Variants in ATP1A4 observed in about 807,000 individuals in gnomAD.
ATP1A4 encodes sodium/potassium-transporting ATPase subunit alpha-4.
In ATP1A4, 90 loss-of-function variants were observed where a neutral mutation model predicts 114.3. The ratio of observed to expected loss-of-function variants is 0.79; its 90% CI spans 0.66 to 0.94. The LOEUF is 0.94. Among genes scored for constraint, ATP1A4 ranks in the 40% least tolerant of loss-of-function variants. ATP1A4 has a pLI of 0.00. For missense variants in ATP1A4, 1,222 were observed against 1,313.6 expected, an observed-to-expected ratio of 0.93 and a Z score of 1.08; for synonymous variants, 511 against 494.1, an observed-to-expected ratio of 1.03 and a Z score of -0.45.
rs1280439657 is a variant in ATP1A4, at chr1:160,153,222, A to C, written c.205A>C (p.Lys69Gln). 1 of 1,613,510 alleles carries C rather than the reference A, an allele frequency of 6.2e-7. No individual in the cohort carries two copies. Among genetic ancestry groups the C allele is most frequent in the Admixed American group, 1.7e-5 (1 of 59,990 alleles). The change falls in exon 2 of 22, where the codon AAG (lysine) becomes CAG (glutamine). Residue 69 changes from lysine to glutamine, a missense_variant and splice_region_variant. Lys to Gln is a moderately conservative substitution (Grantham distance 53). Transcript: ENST00000368081. Reference protein sequence around the residue: ...LSTKYSVDLTKGHSHQRAKEI... With the variant: ...LSTKYSVDLTQGHSHQRAKEI... ...CACCAAGTACTCCGTGGACCTGACA[A>C]AGGTGAGTAAGAAGCTCCCTGAGGA...
chr1:160,185,792 G>A (rs896349282), intron 20 of ATP1A4, among the ~76,000 whole-genome samples: 57 of 151,636 alleles, frequency 3.8e-4, no homozygotes, highest in Admixed American at 3.6e-3. Flanking sequence ...GGTGGAAGGC[G>A]CCTGTAGTCC....
rs755101148 is a variant in ATP1A4 at position 160,155,055 on chromosome 1, A to G, written c.218A>G (p.His73Arg). The change falls in exon 3 of 22, where the codon CAC becomes CGC. Residue 73 changes from histidine (H) to arginine (R), a missense_variant. His to Arg is a conservative substitution (Grantham distance 29). Coordinates refer to ENST00000368081, the MANE Select transcript of ATP1A4 (RefSeq NM_144699.4). ...TTCTTCTCTGCACAGGGCCATAGCC[A>G]CCAAAGGGCAAAGGAAATCCTGACT... Reference protein sequence around the residue: ...YSVDLTKGHSHQRAKEILTRG... With the variant: ...YSVDLTKGHSRQRAKEILTRG... 2.5e-6 allele frequency: 4 copies of G among 1,613,744 alleles called. No individual in the cohort carries two copies. Among genetic ancestry groups the G allele is most frequent in the Middle Eastern group, 3.4e-4 (2 of 5,940 alleles).
In ATP1A4 at chr1:160,155,271, A is replaced by G. The variant is rs111354919; in HGVS notation, c.411+23A>G. 1.5e-3 allele frequency: 2,340 copies of G among 1,595,700 alleles called. 23 individuals are homozygous for G. The African/African-American group carries it at 0.027, about 18-fold the overall frequency. ...AACGTGAGTCTCTTCAGCTACTACT[A>G]GCCAGCCCTATCTCTGCTTAGCCCC... is the stretch of plus-strand genomic sequence containing the variant. On this transcript the variant is annotated intron_variant, in intron 3 of 21. Transcript: ENST00000368081.
intron 2 of ATP1A4, 81 bp downstream of exon 2, chr1:160,153,305 T>G: frequency 7.7e-7 from 1 of 1,290,798 alleles, no homozygotes; most frequent in South Asian, 1.2e-5. Context: ...GAACTAGGAA[T>G]CCAGCCCCCT....
At chr1:160,165,613 AT>A (rs938240897) in intron 7 of ATP1A4, among the ~76,000 whole-genome samples, 25 of 152,112 alleles carry the variant, frequency 1.6e-4, no homozygotes, top group Admixed American at 2.6e-4. Context: ...CAAAAAAAAA[AT>A]TAGACAGGCA....
intron 15 of ATP1A4, among the ~76,000 whole-genome samples, chr1:160,174,951 C>T (rs756029288): frequency 5.9e-5 from 9 of 152,268 alleles, no homozygotes; most frequent in Middle Eastern, 3.4e-3. Flanking sequence ...TTGATGAGAT[C>T]GGAGAAAAGT....
At chr1:160,179,193 C>G (rs906032892) in intron 18 of ATP1A4, among the ~76,000 whole-genome samples, 1 of 152,168 alleles carries the variant, frequency 6.6e-6, no homozygotes, top group Non-Finnish European at 1.5e-5. Context: ...CAGTTGGCTT[C>G]CATTAGCTGA....
At position 160,181,995 on chromosome 1, in the gene ATP1A4, C is replaced by G; in HGVS notation, c.2933C>G (p.Pro978Arg). Residue 978 changes from proline to arginine, a missense_variant, in exon 20 of 22, where the codon CCA becomes CGA. Physicochemically the swap from Pro to Arg is moderately radical, Grantham distance 103. Transcript: ENST00000368081. ...TTGGCTGCATTTCTGTCCTACACTC[C>G]AGGCATGGACGTGGCCCTGCGAATG... ...TLLAAFLSYT[P>R]GMDVALRMYP... is the part of the protein sequence containing the mutation. 1 of 1,614,132 alleles carries G rather than the reference C, an allele frequency of 6.2e-7. No individual in the cohort carries two copies. The highest frequency in any genetic ancestry group is 8.5e-7 in the Non-Finnish European group (1 of 1,180,020).
chr1:160,175,964 G>T lies in ATP1A4; in HGVS notation c.2312-128G>T, dbSNP rs2369408. 3.7e-3 allele frequency: 3,295 copies of T among 885,914 alleles called. 82 individuals are homozygous for T. In the African/African-American group the frequency reaches 0.049, roughly 13 times the overall value. 54.9% of individuals were successfully genotyped at this position (885,914 alleles called of 1,614,324 possible). A position where few individuals can be genotyped will look rare whatever the true frequency, so the allele number is the denominator to read the frequency against. ...TTAGAAACAATACTGGGACCCTGGA[G>T]GTCTAGGACCTCCAGACCCTTTCCT... is the stretch of plus-strand genomic sequence containing the variant. On this transcript the variant is annotated intron_variant, in intron 15 of 21. Transcript: ENST00000368081.
chr1:160,159,070 G>A lies in ATP1A4; in HGVS notation c.594G>A (p.Leu198=), dbSNP rs1652775932. 1 of 1,614,148 alleles carries A rather than the reference G, an allele frequency of 6.2e-7. No homozygotes were observed. Among genetic ancestry groups the A allele is most frequent in the African/African-American group, 1.3e-5 (1 of 75,038 alleles). Residue 198 remains leucine (L), a synonymous_variant, in exon 5 of 22, where the codon CTG becomes CTA. Coordinates refer to ENST00000368081, the MANE Select transcript of ATP1A4 (RefSeq NM_144699.4). Reference sequence around the variant, plus strand: ...TACAAGAGGTGGTGTTGGGAGACCTGGTGGAAATCAAGGGTGGAGACCGAG... The same window carrying A: ...TACAAGAGGTGGTGTTGGGAGACCTAGTGGAAATCAAGGGTGGAGACCGAG... ...INVQEVVLGD[L]VEIKGGDRVP...
chr1:160,160,151 G>A (rs993554167), intron 6 of ATP1A4, among the ~76,000 whole-genome samples: 1 of 152,184 alleles, frequency 6.6e-6, no homozygotes, highest in Non-Finnish European at 1.5e-5. Context: ...ACTCCATGGA[G>A]CACACTTGAA....
rs1653525003 is a variant in ATP1A4, at chr1:160,177,626, T to C, written c.2698T>C (p.Tyr900His). Reference protein sequence around the residue: ...LGIRLHWEDKYLNDLEDSYGQ... With the variant: ...LGIRLHWEDKHLNDLEDSYGQ... ...CATCCGCCTCCACTGGGAAGATAAA[T>C]ACTTGAATGACCTGGAGGACAGCTA... Residue 900 changes from tyrosine (Y) to histidine (H), a missense_variant, in exon 18 of 22, where the codon TAC (tyrosine) becomes CAC (histidine). By Grantham distance (83) the Tyr-to-His change is moderately conservative. Transcript: ENST00000368081. 2 of 1,614,012 alleles carry C rather than the reference T, an allele frequency of 1.2e-6. No individual in the cohort carries two copies. Among genetic ancestry groups the C allele is most frequent in the African/African-American group, 1.3e-5 (1 of 74,896 alleles).
In ATP1A4 at chr1:160,166,602, G is replaced by T. The variant is rs767470139; in HGVS notation, c.1122G>T (p.Thr374=). ...CLVKNLEAVE[T]LGSTSTICSD... is the part of the protein sequence containing the mutation. ...TGAAGAACCTGGAGGCGGTGGAGAC[G>T]CTGGGCTCCACGTCCACCATCTGCT... is the stretch of plus-strand genomic sequence containing the variant. The change falls in exon 8 of 22, where the codon ACG becomes ACT. Residue 374 remains threonine, a synonymous_variant. Coordinates refer to ENST00000368081, the MANE Select transcript of ATP1A4 (RefSeq NM_144699.4). The T allele has an allele frequency of 2.5e-6, 4 of 1,614,094 alleles. No individual in the cohort carries two copies.
At chr1:160,161,329 C>T (rs530187660) in intron 6 of ATP1A4, among the ~76,000 whole-genome samples, 1 of 152,298 alleles carries the variant, frequency 6.6e-6, no homozygotes, top group African/African-American at 2.4e-5. Context: ...CTTGACATGG[C>T]TGTGGCACAG....
rs372183160 is a variant in ATP1A4, at chr1:160,159,049, A to G, written c.573A>G (p.Gln191=). Residue 191 remains glutamine, a synonymous_variant, in exon 5 of 22, where the codon CAA becomes CAG. Coordinates refer to ENST00000368081, the MANE Select transcript of ATP1A4 (RefSeq NM_144699.4). ...GAGAGAAGATGCAAATTAATGTACA[A>G]GAGGTGGTGTTGGGAGACCTGGTGG... ...RGGEKMQINV[Q]EVVLGDLVEI... 5.1e-5 allele frequency: 82 copies of G among 1,613,954 alleles called. No individual in the cohort carries two copies. In the African/African-American group the frequency reaches 1.0e-3, roughly 20 times the overall value.
At chr1:160,181,325 G>A (rs953843086) in intron 18 of ATP1A4, among the ~76,000 whole-genome samples, 1 of 152,110 alleles carries the variant, frequency 6.6e-6, no homozygotes, top group Non-Finnish European at 1.5e-5. Flanking sequence ...AGCAGAGGCG[G>A]TCAGATCGCC....
At chr1:160,179,816 A>G (rs6657759) in intron 18 of ATP1A4, among the ~76,000 whole-genome samples, 29,846 of 152,134 alleles carry the variant, frequency 0.2, 3,225 homozygotes, top group Admixed American at 0.28. Flanking sequence ...ATAACCAAAT[A>G]TATAATATAT....
At chr1:160,185,730 C>G (rs921610869) in intron 20 of ATP1A4, among the ~76,000 whole-genome samples, 1 of 151,674 alleles carries the variant, frequency 6.6e-6, no homozygotes, top group Non-Finnish European at 1.5e-5. Flanking sequence ...ACCATCCTGA[C>G]CAACACAGTG....
chr1:160,177,411 C>T (rs570349304), intron 17 of ATP1A4, 108 bp from the exon 18 acceptor site: 5 of 1,213,814 alleles, frequency 4.1e-6, no homozygotes, highest in African/African-American at 3.0e-5. Context: ...TTCAGACACA[C>T]ACCAGCCCAG....
Sources: allele counts gnomAD v4.1 joint callset (sites outside exome capture counted in the v4.1 genomes callset), GRCh38; gene constraint gnomAD v4.1.1; transcripts MANE v1.5; gene names NCBI Gene and HGNC (gene_info 2026-07-23, HGNC 2026-07-21).